Variants in TTN observed in about 807,000 individuals in gnomAD.
TTN encodes titin, also known as connectin.
In TTN, 1,525 loss-of-function variants were observed where a neutral mutation model predicts 3,223.0. The observed-to-expected ratio is 0.47, with a 90% CI of 0.45 to 0.49. The LOEUF (loss-of-function observed/expected upper bound fraction) is 0.49, where lower values mean the gene tolerates loss of function less well. Among genes scored for constraint, TTN ranks in the 20% least tolerant of loss-of-function variants. The pLI, the probability that TTN is intolerant of heterozygous loss-of-function variation, is 0.00. For missense variants in TTN, 40,786 were observed against 43,424.0 expected, an observed-to-expected ratio of 0.94 and a Z score of 5.40; for synonymous variants, 14,094 against 15,161.0, an observed-to-expected ratio of 0.93 and a Z score of 5.17.
At chr2:178,637,183 A>ATATATATATG (rs1559999152) in intron 224 of TTN, among the ~76,000 whole-genome samples, 186 bp downstream of exon 224, 3 of 131,194 alleles carry the variant, frequency 2.3e-5, no homozygotes, top group Non-Finnish European at 3.2e-5. Context: ...ATATATATAT[A>ATATATATATG]TATATATCTC....
In TTN at chr2:178,739,450, C is replaced by T; in HGVS notation, c.13783G>A (p.Glu4595Lys). 3 of 1,613,822 alleles carry T rather than the reference C, an allele frequency of 1.9e-6. No homozygotes were observed. Among genetic ancestry groups the T allele is most frequent in the Non-Finnish European group, 2.5e-6 (3 of 1,179,846 alleles). Residue 4595 changes from glutamate (E) to lysine (K), a missense_variant, in exon 48 of 363, where the codon GAA becomes AAA. Physicochemically the swap from Glu to Lys is moderately conservative, Grantham distance 56. Coordinates refer to ENST00000589042, the MANE Select transcript of TTN (RefSeq NM_001267550.2). ...TEEVATVKIQ[E>K]AEGGLIKEDG... ...TCTTTGATTAAGCCACCCTCAGCTT[C>T]CTGTATCTTTACTGTAGCAACCTCC...
Position 178,544,223 on chromosome 2 carries a change from T to G in TTN, c.96006A>C (p.Glu32002Asp). The G allele has an allele frequency of 1.9e-6, 3 of 1,613,280 alleles. No homozygotes were observed. The highest frequency in any genetic ancestry group is 2.5e-6 in the Non-Finnish European group (3 of 1,179,270). The change falls in exon 345 of 363, where the codon GAA becomes GAC. Residue 32002 changes from glutamate to aspartate, a missense_variant. Transcript: ENST00000589042. ...GMSEYSESIA[E>D]IEPVERIEIP... ...TACCTATTCTTTCCACGGGCTCAATTTCAGCAATTGATTCGCTGTATTCGC... is the reference window on the plus strand; with the variant it reads ...TACCTATTCTTTCCACGGGCTCAATGTCAGCAATTGATTCGCTGTATTCGC...
chr2:178,677,443 ACAGATACACAAGG>A (rs1448590624), intron 146 of TTN, 156 bp from the exon 147 acceptor site: 6 of 702,360 alleles, frequency 8.5e-6, no homozygotes, highest in South Asian at 7.7e-5. Flanking sequence ...TTTACAATAG[ACAGATACACAAGG>A]CAGATACACA....
rs1191348634 is a variant in TTN, at chr2:178,616,734, A to T, written c.48155T>A (p.Val16052Glu). ...KTISGEIDVN[V>E]IARPSAPKEL... ...ATAAATGTTTTGTTCCTTACCAATT[A>T]CATTGACATCAATTTCCCCAGAAAT... Residue 16052 changes from valine to glutamate, a missense_variant, in exon 256 of 363, where the codon GTA becomes GAA. By Grantham distance (121) the Val-to-Glu change is moderately radical (BLOSUM62 -2). Transcript: ENST00000589042. 4 of 1,612,546 alleles carry T rather than the reference A, an allele frequency of 2.5e-6. No homozygotes were observed. The highest frequency in any genetic ancestry group is 3.4e-6 in the Non-Finnish European group (4 of 1,179,146).
rs2053229773 is a variant in TTN, at chr2:178,600,856, G to A, written c.56048C>T (p.Thr18683Ile). The A allele has an allele frequency of 1.2e-6, 2 of 1,612,774 alleles. No homozygotes were observed. The highest frequency in any genetic ancestry group is 1.7e-6 in the Non-Finnish European group (2 of 1,179,142). ...TTTGTCAGTACATTGGTACTTACATGTCTGGTCTTTGACAGTCACAGGGCC... is the reference window on the plus strand; with the variant it reads ...TTTGTCAGTACATTGGTACTTACATATCTGGTCTTTGACAGTCACAGGGCC... ...TVGPVTVKDQTCPPSIDLKEF... is the reference protein window; with the variant it reads ...TVGPVTVKDQICPPSIDLKEF... Residue 18683 changes from threonine to isoleucine, a missense_variant and splice_region_variant, in exon 288 of 363, where the codon ACA (threonine) becomes ATA (isoleucine). Coordinates refer to ENST00000589042, the MANE Select transcript of TTN (RefSeq NM_001267550.2).
chr2:178,781,767 A>G (rs1042393083), intron 20 of TTN, among the ~76,000 whole-genome samples: 1 of 152,182 alleles, frequency 6.6e-6, no homozygotes, highest in Non-Finnish European at 1.5e-5. Context: ...TAAATTTTAT[A>G]TTGAATTGAA....
chr2:178,545,452 C>T lies in TTN; in HGVS notation c.95658G>A (p.Val31886=). 6.2e-7 allele frequency: 1 copy of T among 1,611,026 alleles called. No homozygotes were observed. Among genetic ancestry groups the T allele is most frequent in the Non-Finnish European group, 8.5e-7 (1 of 1,177,496 alleles). The change falls in exon 344 of 363, where the codon GTG becomes GTA. Residue 31886 remains valine (V), a synonymous_variant. Transcript: ENST00000589042. ...TGGGCTCACTGTTACCAGCTGCATT[C>T]ACTGCGGTCACCCGGAACTGGTAAT... The part of the protein sequence containing the change: ...GCDYQFRVTA[V]NAAGNSEPSE...
chr2:178,534,127 T>C lies in TTN; in HGVS notation c.102488A>G (p.Asp34163Gly). 1 of 1,613,950 alleles carries C rather than the reference T, an allele frequency of 6.2e-7. No individual in the cohort carries two copies. Among genetic ancestry groups the C allele is most frequent in the Non-Finnish European group, 8.5e-7 (1 of 1,179,858 alleles). The change falls in exon 358 of 363, where the codon GAT (aspartate) becomes GGT (glycine). Residue 34163 changes from aspartate to glycine, a missense_variant. Physicochemically the swap from Asp to Gly is moderately conservative, Grantham distance 94. Transcript: ENST00000589042. ...VKYVCKIENY[D>G]QSTQVTWYFG... is the part of the protein sequence containing the mutation. ...GTACCAAGTCACTTGGGTAGACTGA[T>C]CATAATTTTCAATTTTGCATACATA...
rs767565621 is a variant in TTN, at chr2:178,527,301, G to A, written c.107687C>T (p.Pro35896Leu). 17 of 1,589,074 alleles carry A rather than the reference G, an allele frequency of 1.1e-5. No individual in the cohort carries two copies. The East Asian group carries it at 1.8e-4, about 17-fold the overall frequency. ...KMLKAGIRGI[P>L]PKIEALPSDI... ...AGATGGAAGAGCTTCAATTTTAGGC[G>A]GAATTCCTTTATGGAACAATGACAA... Residue 35896 changes from proline to leucine, a missense_variant, in exon 363 of 363, where the codon CCG (proline) becomes CTG (leucine). By Grantham distance (98) the Pro-to-Leu change is moderately conservative. Transcript: ENST00000589042.
Position 178,607,611 on chromosome 2 carries a change from G to T in TTN, c.53077C>A (p.Pro17693Thr). Residue 17693 changes from proline to threonine, a missense_variant, in exon 277 of 363, where the codon CCA becomes ACA. Pro to Thr is a conservative substitution (Grantham distance 38, BLOSUM62 -1). Coordinates refer to ENST00000589042, the MANE Select transcript of TTN (RefSeq NM_001267550.2). ...ACAGGGCGACCAGTCACCACAGCTG[G>T]AATTCTAAGAGTCTTCCCAGCCATT... ...QIMAGKTLRI[P>T]AVVTGRPVPT... 1 of 1,613,030 alleles carries T rather than the reference G, an allele frequency of 6.2e-7. No homozygotes were observed. Among genetic ancestry groups the T allele is most frequent in the Non-Finnish European group, 8.5e-7 (1 of 1,179,404 alleles).
chr2:178,710,073 C>T (rs796587530), intron 98 of TTN, among the ~76,000 whole-genome samples: 15 of 152,304 alleles, frequency 9.8e-5, no homozygotes, highest in African/African-American at 3.6e-4. Flanking sequence ...AGAAGTAACT[C>T]ATGGCCATTT....
rs1485265360 is a variant in TTN, at chr2:178,774,064, A to G, written c.7104T>C (p.Cys2368=). 1.2e-6 allele frequency: 2 copies of G among 1,613,964 alleles called. No individual in the cohort carries two copies. The highest frequency in any genetic ancestry group is 1.7e-5 in the Admixed American group (1 of 60,000). ...CTTCAAGCTGAACAATGTCACCCTC[A>G]CAGACTTTTTGGTCACTAAGTCCTT... ...ILQGLSDQKV[C]EGDIVQLEVK... Residue 2368 remains cysteine, a synonymous_variant, in exon 31 of 363, where the codon TGT becomes TGC. Coordinates refer to ENST00000589042, the MANE Select transcript of TTN (RefSeq NM_001267550.2).
chr2:178,635,029 T>C (rs762926636), intron 228 of TTN, 136 bp downstream of exon 228: 190 of 1,406,664 alleles, frequency 1.4e-4, no homozygotes, highest in Non-Finnish European at 1.7e-4. Flanking sequence ...ACGTAAAATT[T>C]CTTTCCTTCT....
Position 178,574,763 on chromosome 2 carries a change from C to G in TTN, c.71369G>C (p.Arg23790Pro). ...TVIRTTYKATRLTTGLEYQFR... is the reference protein window; with the variant it reads ...TVIRTTYKATPLTTGLEYQFR... ...CTGATACTCTAATCCAGTAGTAAGG[C>G]GGGTGGCTTTATAGGTAGTACGTAT... The change falls in exon 326 of 363, where the codon CGC becomes CCC. Residue 23790 changes from arginine to proline, a missense_variant. Transcript: ENST00000589042. 1 of 1,612,110 alleles carries G rather than the reference C, an allele frequency of 6.2e-7. No homozygotes were observed.
Position 178,741,725 on chromosome 2 carries a change from C to G in TTN, c.11508G>C (p.Val3836=). The change falls in exon 48 of 363, where the codon GTG becomes GTC. Residue 3836 remains valine, a synonymous_variant. Transcript: ENST00000589042. ...CAATGACAGTTACAGACAGTGTAGC[C>G]ACATCCCCCATGCTTATATCAGCAT... ...VSNADISMGD[V]ATLSVTVIGI... 6.2e-7 allele frequency: 1 copy of G among 1,613,708 alleles called. No individual in the cohort carries two copies. The highest frequency in any genetic ancestry group is 8.5e-7 in the Non-Finnish European group (1 of 1,179,742).
chr2:178,773,854 C>G lies in TTN; in HGVS notation c.7314G>C (p.Gly2438=). Reference sequence around the variant, plus strand: ...AGGACTCACTATAGACAGAGACACGCCCACTGGTGGAGAGGCCAAGGGCTG... The same window carrying G: ...AGGACTCACTATAGACAGAGACACGGCCACTGGTGGAGAGGCCAAGGGCTG... ...TIPALGLSTS[G]RVSVYSVDVI... The change falls in exon 31 of 363, where the codon GGG becomes GGC. Residue 2438 remains glycine, a synonymous_variant. Transcript: ENST00000589042. 1 of 1,614,070 alleles carries G rather than the reference C, an allele frequency of 6.2e-7. No individual in the cohort carries two copies. The highest frequency in any genetic ancestry group is 1.6e-4 in the Middle Eastern group (1 of 6,062).
chr2:178,713,717 T>C, intron 92 of TTN, 180 bp downstream of exon 92: 1 of 890,084 alleles, frequency 1.1e-6, no homozygotes, highest in African/African-American at 1.7e-5. Flanking sequence ...AAGAAAGGGA[T>C]ATAACTTTTG....
Position 178,616,976 on chromosome 2 carries a change from A to G in TTN, c.47913T>C (p.Gly15971=). ...TAGGATTTGGGACAATAACTTCCAGACCATCTTTAAATGCACTTAAATCCA... is the reference window on the plus strand; with the variant it reads ...TAGGATTTGGGACAATAACTTCCAGGCCATCTTTAAATGCACTTAAATCCA... ...PTMDLSAFKD[G]LEVIVPNPIT... The change falls in exon 256 of 363, where the codon GGT becomes GGC. Residue 15971 remains glycine, a synonymous_variant. Coordinates refer to ENST00000589042, the MANE Select transcript of TTN (RefSeq NM_001267550.2). 2 of 1,612,656 alleles carry G rather than the reference A, an allele frequency of 1.2e-6. No individual in the cohort carries two copies. The highest frequency in any genetic ancestry group is 2.2e-5 in the South Asian group (2 of 91,030).
chr2:178,618,382 G>A lies in TTN; in HGVS notation c.47076C>T (p.Tyr15692=), dbSNP rs772757217. ...TCTTAATGTCACGTCTTTCAACAAC[G>A]TAACCTATGATTTTGCTTCCACCAT... ...LTDGGSKIIG[Y]VVERRDIKRK... The change falls in exon 252 of 363, where the codon TAC becomes TAT. Residue 15692 remains tyrosine (Y), a synonymous_variant. Coordinates refer to ENST00000589042, the MANE Select transcript of TTN (RefSeq NM_001267550.2). 6.2e-6 allele frequency: 10 copies of A among 1,612,436 alleles called. No individual in the cohort carries two copies. Among genetic ancestry groups the A allele is most frequent in the Middle Eastern group, 1.7e-4 (1 of 6,050 alleles).
Sources: allele counts gnomAD v4.1 joint callset (sites outside exome capture counted in the v4.1 genomes callset), GRCh38; gene constraint gnomAD v4.1.1; transcripts MANE v1.5; gene names NCBI Gene and HGNC (gene_info 2026-07-23, HGNC 2026-07-21).